Variants in MROH2A observed in about 807,000 individuals in gnomAD.
MROH2A encodes the protein maestro heat-like repeat-containing protein family member 2A.
A neutral mutation model predicts 200.4 loss-of-function variants in MROH2A; 174 were observed. The ratio of observed to expected loss-of-function variants is 0.87; its 90% confidence interval spans 0.77 to 0.98. The LOEUF (loss-of-function observed/expected upper bound fraction) is 0.98. Among genes scored for constraint, MROH2A ranks in the 50% least tolerant of loss-of-function variants. The pLI is 0.00. For synonymous variants in MROH2A, 829 were observed against 840.4 expected, an observed-to-expected ratio of 0.99 and a Z score of 0.23; for missense variants, 2,045 against 2,139.6, an observed-to-expected ratio of 0.96 and a Z score of 0.87.
chr2:233,823,711 G>A (rs1464590467), intron 35 of MROH2A, 47 bp downstream of exon 35: 2 of 1,537,128 alleles, frequency 1.3e-6, no homozygotes, highest in Non-Finnish European at 8.8e-7. Flanking sequence ...CGGAGGGGAT[G>A]GGGTCCCTGG....
rs542444426 is a variant in MROH2A at position 233,799,667 on chromosome 2, C to T, written c.1330-113C>T. 302 of 1,357,794 alleles carry T rather than the reference C, an allele frequency of 2.2e-4. No homozygotes were observed. In the African/African-American group the frequency reaches 3.8e-3, roughly 17 times the overall value. The allele number at this position is 1,357,794 out of a possible 1,614,324, so 84.1% of individuals were successfully genotyped here. A position where few individuals can be genotyped will look rare whatever the true frequency, so the allele number is the denominator to read the frequency against. Reference sequence around the variant, plus strand: ...AGAGTGGGCAGTAATCAGGTAGTCCCTGAGGCCCCTTCTAGCCCAGAGCAC... The same window carrying T: ...AGAGTGGGCAGTAATCAGGTAGTCCTTGAGGCCCCTTCTAGCCCAGAGCAC... On this transcript the variant is annotated intron_variant, in intron 12 of 41. Coordinates refer to ENST00000389758, the MANE Select transcript of MROH2A (RefSeq NM_001394639.1).
intron 35 of MROH2A, 164 bp downstream of exon 35, chr2:233,823,828 CAT>C (rs924270871): frequency 4.1e-5 from 37 of 905,316 alleles, no homozygotes; most frequent in Non-Finnish European, 5.4e-5. Flanking sequence ...TCATTCATCA[CAT>C]GAGTAGTGCA....
At chr2:233,808,490 C>T (rs1271609372) in intron 21 of MROH2A, among the ~76,000 whole-genome samples, 1 of 152,196 alleles carries the variant, frequency 6.6e-6, no homozygotes, top group African/African-American at 2.4e-5. Context: ...AGGCTTTGCC[C>T]TTGACCTGGA....
chr2:233,788,361 A>G lies in MROH2A; in HGVS notation c.277-1136A>G, dbSNP rs558731832. ...ACTGAGCAGCTACTAAGGCCACATC[A>G]TTAATTTCTGGGAGCTGTCATAGGG... On this transcript the variant is annotated intron_variant, in intron 3 of 41. Transcript: ENST00000389758. Among the ~76,000 whole-genome samples the G allele has an allele frequency of 2.0e-5, 3 of 150,540 alleles. No homozygotes were observed. The East Asian group carries it at 5.8e-4, about 29-fold the overall frequency.
rs1163108742 is a variant in MROH2A at position 233,805,052 on chromosome 2, C to T, written c.1993C>T (p.Arg665Cys). 1.7e-5 allele frequency: 27 copies of T among 1,549,998 alleles called. No individual in the cohort carries two copies. In the South Asian group the frequency reaches 1.8e-4, roughly 10 times the overall value. The part of the protein sequence containing the change: ...KKTRGSSWSL[R>C]LSKELNNQIA... ...GACCCGGGGGTCTAGCTGGAGCCTG[C>T]GCTTGAGTAAAGAGCTGAACAACCA... The change falls in exon 19 of 42, where the codon CGC becomes TGC. Residue 665 changes from arginine (R) to cysteine (C), a missense_variant. Coordinates refer to ENST00000389758, the MANE Select transcript of MROH2A (RefSeq NM_001394639.1).
chr2:233,822,739 C>T (rs978024691), intron 33 of MROH2A, 142 bp from the exon 34 acceptor site: 1 of 1,195,252 alleles, frequency 8.4e-7, no homozygotes, highest in Non-Finnish European at 1.2e-6. Context: ...GCTTGCAGAT[C>T]CACTCCCTCC....
rs755652480 is a variant in MROH2A at position 233,822,298 on chromosome 2, C to G, written c.3672+15C>G. 1.7e-5 allele frequency: 27 copies of G among 1,547,982 alleles called. No individual in the cohort carries two copies. In the South Asian group the frequency reaches 3.1e-4, roughly 18 times the overall value. The stretch of plus-strand genomic sequence containing the variant: ...ACCCCCTGATGGTGAGTTGCAGGCG[C>G]AGGCCCCAAGGCTCCTCAGGGGTCT... On this transcript the variant is annotated intron_variant, in intron 32 of 41. Transcript: ENST00000389758.
In MROH2A at chr2:233,805,047, G is replaced by A; in HGVS notation, c.1988G>A (p.Ser663Asn). ...SLKKTRGSSWSLRLSKELNNQ... is the reference protein window; with the variant it reads ...SLKKTRGSSWNLRLSKELNNQ... ...AAGAAGACCCGGGGGTCTAGCTGGA[G>A]CCTGCGCTTGAGTAAAGAGCTGAAC... is the stretch of plus-strand genomic sequence containing the variant. Residue 663 changes from serine to asparagine, a missense_variant, in exon 19 of 42, where the codon AGC becomes AAC. Ser to Asn is a conservative substitution (Grantham distance 46). Around this residue, in one of 3 missense-constraint regions of MROH2A, gnomAD observed 1,201 missense variants for 1,311.3 expected, o/e 0.92. Coordinates refer to ENST00000389758, the MANE Select transcript of MROH2A (RefSeq NM_001394639.1). 3 of 1,550,338 alleles carry A rather than the reference G, an allele frequency of 1.9e-6. No homozygotes were observed. Among genetic ancestry groups the A allele is most frequent in the Admixed American group, 3.9e-5 (2 of 50,992 alleles).
chr2:233,798,877 G>T, intron 12 of MROH2A, 27 bp downstream of exon 12: 5 of 1,524,596 alleles, frequency 3.3e-6, no homozygotes, highest in Non-Finnish European at 4.4e-6. Context: ...CTGGAAATGG[G>T]GGGCACTCAG....
chr2:233,778,126 G>A (rs1306749623), upstream of MROH2A, among the ~76,000 whole-genome samples: 2 of 152,158 alleles, frequency 1.3e-5, no homozygotes, highest in South Asian at 2.1e-4. Flanking sequence ...TCCCAAACAG[G>A]CCCCTGTACT....
At chr2:233,776,952 G>C (rs1364928656), upstream of MROH2A, among the ~76,000 whole-genome samples, 3 of 152,158 alleles carry the variant, frequency 2.0e-5, no homozygotes, top group Non-Finnish European at 4.4e-5. Flanking sequence ...AGAACAGCCT[G>C]GGTGAGCCCT....
At chr2:233,823,201 C>T (rs1044312721) in intron 34 of MROH2A, among the ~76,000 whole-genome samples, 183 bp downstream of exon 34, 3 of 152,222 alleles carry the variant, frequency 2.0e-5, no homozygotes, top group African/African-American at 7.2e-5. Context: ...ACCTTTTATT[C>T]GAACCCTTCC....
upstream of MROH2A, among the ~76,000 whole-genome samples, chr2:233,776,518 C>T (rs1352865937): frequency 6.6e-6 from 1 of 151,966 alleles, no homozygotes; most frequent in African/African-American, 2.4e-5. Flanking sequence ...CACCCCACCA[C>T]ACCCGGCTAA....
rs148598250 is a variant in MROH2A, at chr2:233,796,040, C to A, written c.1133C>A (p.Ala378Asp). 1,342 of 1,550,468 alleles carry A rather than the reference C, an allele frequency of 8.7e-4. 9 individuals carry two copies. The African/African-American group carries it at 0.012, about 14-fold the overall frequency. ...NLMEMVHCFV[A>D]LARSYPKELM... ...ATGGAGATGGTGCACTGCTTCGTAG[C>A]CCTTGGTGAGGCTCTGCGGCAGGGT... Residue 378 changes from alanine to aspartate, a missense_variant, in exon 10 of 42, where the codon GCC becomes GAC. By Grantham distance (126) the Ala-to-Asp change is moderately radical. Around this residue, in one of 3 missense-constraint regions of MROH2A, gnomAD observed 831 missense variants for 800.0 expected, o/e 1.04. Transcript: ENST00000389758.
chr2:233,819,313 C>T lies in MROH2A; in HGVS notation c.3205-4C>T. Reference sequence around the variant, plus strand: ...GGCAGGGGAGTCACCCGCTCTGCTCCTAGGTGGTCTGCATGGAGTTTAGCT... The same window carrying T: ...GGCAGGGGAGTCACCCGCTCTGCTCTTAGGTGGTCTGCATGGAGTTTAGCT... On this transcript the variant is annotated splice_polypyrimidine_tract_variant and splice_region_variant and intron_variant, in intron 29 of 41. Coordinates refer to ENST00000389758, the MANE Select transcript of MROH2A (RefSeq NM_001394639.1). 6.5e-7 allele frequency: 1 copy of T among 1,549,754 alleles called. No homozygotes were observed. Among genetic ancestry groups the T allele is most frequent in the Non-Finnish European group, 8.7e-7 (1 of 1,146,442 alleles).
intron 28 of MROH2A, 42 bp from the exon 29 acceptor site, chr2:233,818,609 CT>C: frequency 1.5e-6 from 2 of 1,331,850 alleles, no homozygotes; most frequent in East Asian, 2.5e-5. Context: ...GTGGCTGGGC[CT>C]TTTGTCCCTG....
In MROH2A at chr2:233,828,814, G is replaced by A. The variant is rs369132226; in HGVS notation, c.4263+35G>A. On this transcript the variant is annotated intron_variant, in intron 36 of 41. Coordinates refer to ENST00000389758, the MANE Select transcript of MROH2A (RefSeq NM_001394639.1). This position sits in a 1 kb window ranked among gnomAD's most constrained non-coding sequence, Gnocchi z 4.6. ...CTGGCCCTGGGCCCAGGTCCCGGGA[G>A]CTGAGGGTGCAGGCCGGGTGCCCTG... 8.5e-5 allele frequency: 131 copies of A among 1,549,088 alleles called. 1 individual carries two copies. The African/African-American group carries it at 1.3e-3, about 15-fold the overall frequency.
intron 35 of MROH2A, among the ~76,000 whole-genome samples, chr2:233,825,298 T>G (rs556597272): frequency 6.6e-6 from 1 of 152,220 alleles, no homozygotes; most frequent in Non-Finnish European, 1.5e-5. Context: ...CCCTTCCTAT[T>G]TGAATACGCT....
In MROH2A at chr2:233,829,732, C is replaced by T. The variant is rs1418392383; in HGVS notation, c.4559C>T (p.Pro1520Leu). 6.8e-7 allele frequency: 1 copy of T among 1,475,168 alleles called. No individual in the cohort carries two copies. Among genetic ancestry groups the T allele is most frequent in the South Asian group, 1.4e-5 (1 of 72,254 alleles). 91.4% of individuals were successfully genotyped at this position (1,475,168 alleles called of 1,614,324 possible). A position where few individuals can be genotyped will look rare whatever the true frequency, so the allele number is the denominator to read the frequency against. The stretch of plus-strand genomic sequence containing the variant: ...GGGGAGGTGAAGAAGGCCTGGATCC[C>T]CCTCATGCTGCACTCCCAGGACCCC... Reference protein sequence around the residue: ...FKGEVKKAWIPLMLHSQDPCS... With the variant: ...FKGEVKKAWILLMLHSQDPCS... Residue 1520 changes from proline to leucine, a missense_variant, in exon 38 of 42, where the codon CCC becomes CTC. By Grantham distance (98) the Pro-to-Leu change is moderately conservative. Transcript: ENST00000389758.
Sources: allele counts gnomAD v4.1 joint callset (sites outside exome capture counted in the v4.1 genomes callset), GRCh38; gene constraint gnomAD v4.1.1; regional missense constraint gnomAD v4.1.1; non-coding constraint Gnocchi (gnomAD v3.1); transcripts MANE v1.5; gene names NCBI Gene and HGNC (gene_info 2026-07-23, HGNC 2026-07-21).